Variants in C12orf42 observed in about 807,000 individuals in gnomAD.
C12orf42 encodes the protein uncharacterized protein C12orf42.
C12orf42 carries 25 observed loss-of-function variants against 21.6 expected under a neutral mutation model. The observed-to-expected ratio is 1.16, with a 90% CI of 0.84 to 1.62. The LOEUF is 1.62. C12orf42 is among the 40% of genes most tolerant of loss of function. C12orf42 has a pLI of 0.00. For synonymous variants in C12orf42, 174 were observed against 175.0 expected (o/e 0.99, Z 0.05); for missense variants, 483 against 459.3 (o/e 1.05, Z -0.47).
At chr12:103,195,639 T>C in the C12orf42 span, among the ~76,000 whole-genome samples, 1 of 152,100 alleles carries the variant, frequency 6.6e-6, no homozygotes, top group Non-Finnish European at 1.5e-5. Context: ...TTTAATGGGG[T>C]TGTTTTTTGC....
the C12orf42 span, among the ~76,000 whole-genome samples, chr12:103,198,824 C>T: frequency 6.6e-6 from 1 of 152,196 alleles, no homozygotes; most frequent in Non-Finnish European, 1.5e-5. Context: ...TGCATCTTCC[C>T]TCCATCCACT....
In C12orf42 at chr12:103,294,618, AAGAAAG is replaced by A. The variant is rs1174378159; in HGVS notation, n.338-17414_338-17409del. ...AAAGAAAGAAAGAAAGAAAGAAAGA[AAGAAAG>A]AAAGAAAGAAAGAAGGAAAAGAAAG... On this transcript the variant is annotated intron_variant and non_coding_transcript_variant, in intron 4 of 6. Transcript: ENST00000546526. Among the ~76,000 whole-genome samples, 685 of 147,332 alleles carry A rather than the reference AAGAAAG, an allele frequency of 4.6e-3. 4 individuals carry two copies. Among genetic ancestry groups the A allele is most frequent in the African/African-American group, 0.015 (560 of 38,122 alleles).
chr12:103,364,742 A>T (rs796821182), intron 4 of C12orf42, among the ~76,000 whole-genome samples: 2 of 152,142 alleles, frequency 1.3e-5, no homozygotes, highest in African/African-American at 4.8e-5. Flanking sequence ...AAGGAGATGG[A>T]TACATTCCTA....
the C12orf42 span, among the ~76,000 whole-genome samples, chr12:103,546,096 C>G: frequency 6.6e-6 from 1 of 152,126 alleles, no homozygotes; most frequent in African/African-American, 2.4e-5. Flanking sequence ...CTAGGGAGAT[C>G]TGATTAGTGA....
At chr12:103,083,919 C>T in the C12orf42 span, among the ~76,000 whole-genome samples, 3 of 152,178 alleles carry the variant, frequency 2.0e-5, no homozygotes, top group Non-Finnish European at 4.4e-5. Context: ...AAAACTGTAT[C>T]TCCATCAACA....
At chr12:103,531,043 C>T in the C12orf42 span, among the ~76,000 whole-genome samples, 20 of 152,156 alleles carry the variant, frequency 1.3e-4, no homozygotes, top group Non-Finnish European at 2.9e-5. Flanking sequence ...CCAACAATTC[C>T]AGGGGACATA....
intron 1 of C12orf42, among the ~76,000 whole-genome samples, chr12:103,479,520 T>C (rs1954310208): frequency 1.3e-5 from 2 of 152,128 alleles, no homozygotes; most frequent in South Asian, 4.1e-4. Flanking sequence ...TTGTTCCTGA[T>C]GTTAACAGAA....
chr12:103,065,899 G>T, the C12orf42 span, among the ~76,000 whole-genome samples: 1 of 152,146 alleles, frequency 6.6e-6, no homozygotes, highest in Admixed American at 6.5e-5. Flanking sequence ...GTTTTGAGTG[G>T]GGTCCAGAAC....
the C12orf42 span, among the ~76,000 whole-genome samples, chr12:103,140,336 A>AC: frequency 6.6e-6 from 1 of 152,140 alleles, no homozygotes; most frequent in African/African-American, 2.4e-5. Context: ...AAATATTCAG[A>AC]CCCCGGGAAG....
At chr12:103,147,701 G>C in the C12orf42 span, among the ~76,000 whole-genome samples, 1 of 146,992 alleles carries the variant, frequency 6.8e-6, no homozygotes, top group East Asian at 2.0e-4. Context: ...ATTGTGTGAG[G>C]CTGGTGTTCA....
chr12:103,270,553 T>C (rs949276473), intron 5 of C12orf42, among the ~76,000 whole-genome samples: 1 of 139,268 alleles, frequency 7.2e-6, no homozygotes, highest in Non-Finnish European at 1.6e-5. Flanking sequence ...ATTTGATCAA[T>C]ATTTTATTTT....
the C12orf42 span, among the ~76,000 whole-genome samples, chr12:103,067,238 C>T: frequency 1.1e-4 from 16 of 152,160 alleles, no homozygotes; most frequent in South Asian, 2.1e-4. Flanking sequence ...AATGCTTCTG[C>T]GAAGACTACC....
intron 4 of C12orf42, among the ~76,000 whole-genome samples, chr12:103,293,425 C>T (rs998657191): frequency 1.3e-5 from 2 of 152,070 alleles, no homozygotes; most frequent in Non-Finnish European, 2.9e-5. Context: ...TCAGGTACCA[C>T]GAAAGTTGAT....
chr12:103,520,021 A>G, the C12orf42 span, among the ~76,000 whole-genome samples: 1 of 152,196 alleles, frequency 6.6e-6, no homozygotes, highest in Non-Finnish European at 1.5e-5. Flanking sequence ...GATGAGGCAA[A>G]TGCTGGAGCG....
At chr12:103,293,972 C>T (rs968940649) in intron 4 of C12orf42, among the ~76,000 whole-genome samples, 13 of 152,254 alleles carry the variant, frequency 8.5e-5, no homozygotes, top group African/African-American at 2.6e-4. Context: ...ATTAAAATGG[C>T]TCTTCACTAT....
the C12orf42 span, among the ~76,000 whole-genome samples, chr12:103,084,595 G>C: frequency 6.6e-6 from 1 of 152,162 alleles, no homozygotes; most frequent in East Asian, 1.9e-4. Context: ...TGGCAGGCAA[G>C]ATCATTTGAT....
the C12orf42 span, among the ~76,000 whole-genome samples, chr12:103,190,966 A>C: frequency 6.6e-6 from 1 of 152,214 alleles, no homozygotes; most frequent in Admixed American, 6.5e-5. Context: ...AAACATTATA[A>C]GTTTTCAAAT....
the C12orf42 span, among the ~76,000 whole-genome samples, chr12:103,122,649 C>T: frequency 6.6e-6 from 1 of 152,064 alleles, no homozygotes; most frequent in Non-Finnish European, 1.5e-5. Flanking sequence ...ACATTTTGGG[C>T]AGGAGAAATG....
chr12:103,257,358 A>G (rs1387325363), intron 10 of C12orf42, among the ~76,000 whole-genome samples: 1 of 152,188 alleles, frequency 6.6e-6, no homozygotes, highest in Non-Finnish European at 1.5e-5. Flanking sequence ...AATATAAAAT[A>G]AAGTTAAAAA....
Sources: gnomAD v4.1 joint callset for allele counts (sites outside exome capture counted in the v4.1 genomes callset) on GRCh38, gnomAD v4.1.1 for gene constraint, MANE v1.5 for transcripts, NCBI Gene and HGNC (gene_info 2026-07-23, HGNC 2026-07-21) for gene names.